RBMS1: variants seen among roughly 807,000 people sequenced by gnomAD.
The protein encoded by RBMS1 is RNA-binding motif, single-stranded-interacting protein 1.
A neutral mutation model predicts 62.3 loss-of-function variants in RBMS1; 17 were observed. The ratio of observed to expected loss-of-function variants is 0.27; its 90% CI spans 0.19 to 0.41. The LOEUF is 0.41. Among genes scored for constraint, RBMS1 ranks in the 10% least tolerant of loss-of-function variants. RBMS1 has a pLI of 1.00. For synonymous variants in RBMS1, 172 were observed against 170.0 expected, an observed-to-expected ratio of 1.01 and a Z score of -0.09; for missense variants, 334 against 504.5, an observed-to-expected ratio of 0.66 and a Z score of 3.24.
At chr2:160,396,312 T>C (rs1161180955) in intron 1 of RBMS1, among the ~76,000 whole-genome samples, 1 of 152,202 alleles carries the variant, frequency 6.6e-6, no homozygotes, top group Non-Finnish European at 1.5e-5. Flanking sequence ...TTTACACAAA[T>C]ATTACAACAG....
intron 2 of RBMS1, among the ~76,000 whole-genome samples, chr2:160,345,654 C>G (rs368649974): frequency 1.3e-5 from 2 of 152,130 alleles, no homozygotes; most frequent in Non-Finnish European, 2.9e-5. Context: ...TTTGAGAAGA[C>G]AGCTCACATA....
At chr2:160,475,375 T>A (rs545212293) in intron 1 of RBMS1, among the ~76,000 whole-genome samples, 1 of 152,320 alleles carries the variant, frequency 6.6e-6, no homozygotes, top group African/African-American at 2.4e-5. Flanking sequence ...CTGGCAGATC[T>A]AAGGGTAGGA....
chr2:160,281,484 T>C, intron 9 of RBMS1, 120 bp from the exon 10 acceptor site: 4 of 767,064 alleles, frequency 5.2e-6, no homozygotes, highest in Non-Finnish European at 6.3e-6. Context: ...AACAATACTA[T>C]CAATGATTAA....
chr2:160,356,346 G>C (rs1298726506), intron 2 of RBMS1, among the ~76,000 whole-genome samples: 2 of 152,070 alleles, frequency 1.3e-5, no homozygotes, highest in Admixed American at 1.3e-4. Flanking sequence ...ATAAGAAAAG[G>C]TGCTTTTTCT....
intron 2 of RBMS1, among the ~76,000 whole-genome samples, chr2:160,326,156 C>T (rs552036786): frequency 2.0e-5 from 3 of 152,186 alleles, no homozygotes; most frequent in African/African-American, 7.2e-5. Context: ...AAACCAGGCG[C>T]TGAAGGTGAA....
chr2:160,411,812 A>C (rs1447963185), intron 1 of RBMS1, among the ~76,000 whole-genome samples: 1 of 152,226 alleles, frequency 6.6e-6, no homozygotes, highest in African/African-American at 2.4e-5. Flanking sequence ...CTGAACATCA[A>C]AGAACAGGAG....
chr2:160,347,239 G>C (rs895999900), intron 2 of RBMS1, among the ~76,000 whole-genome samples: 35 of 152,134 alleles, frequency 2.3e-4, no homozygotes, highest in African/African-American at 8.4e-4. Flanking sequence ...TGCCTCTGTA[G>C]ATGTACGAAT....
chr2:160,340,148 A>C (rs1415445306), intron 2 of RBMS1, among the ~76,000 whole-genome samples: 1 of 152,092 alleles, frequency 6.6e-6, no homozygotes, highest in Non-Finnish European at 1.5e-5. Flanking sequence ...TTCATGACCT[A>C]TGTTACTTTT....
chr2:160,361,015 A>AT (rs1233727272), intron 2 of RBMS1, among the ~76,000 whole-genome samples: 1 of 152,228 alleles, frequency 6.6e-6, no homozygotes, highest in Non-Finnish European at 1.5e-5. Context: ...ACAGGCTATC[A>AT]TATCATAAGC....
intron 1 of RBMS1, among the ~76,000 whole-genome samples, chr2:160,438,928 C>G (rs552667734): frequency 5.4e-5 from 8 of 148,836 alleles, no homozygotes; most frequent in African/African-American, 2.0e-4. Context: ...GGCGGCTGGC[C>G]GGGCAGAGGG....
chr2:160,277,243 A>C (rs1334554122), intron 12 of RBMS1, 60 bp downstream of exon 12: 3 of 1,406,698 alleles, frequency 2.1e-6, no homozygotes, highest in Non-Finnish European at 3.0e-6. Context: ...AGTTCTATTT[A>C]ATTTACCCAT....
At chr2:160,345,851 C>A (rs190623286) in intron 2 of RBMS1, among the ~76,000 whole-genome samples, 1 of 151,992 alleles carries the variant, frequency 6.6e-6, no homozygotes, top group Admixed American at 6.6e-5. Context: ...TTCCTTATAA[C>A]GCTAGATTTA....
chr2:160,308,733 T>C (rs570466095), intron 4 of RBMS1, among the ~76,000 whole-genome samples: 58 of 152,290 alleles, frequency 3.8e-4, no homozygotes, highest in African/African-American at 1.3e-3. Flanking sequence ...TCCTTTTCCT[T>C]AGCCAATGTA....
intron 2 of RBMS1, among the ~76,000 whole-genome samples, chr2:160,324,128 G>C (rs765990485): frequency 6.6e-6 from 1 of 152,188 alleles, no homozygotes; most frequent in Non-Finnish European, 1.5e-5. Flanking sequence ...AGAAGACAAA[G>C]AAAAGTAGGT....
At chr2:160,466,594 C>T (rs1684702528) in intron 1 of RBMS1, among the ~76,000 whole-genome samples, 1 of 152,138 alleles carries the variant, frequency 6.6e-6, no homozygotes, top group Admixed American at 6.5e-5. Flanking sequence ...AAAACAAAAA[C>T]AGAACAAAAT....
chr2:160,476,572 T>TTG (rs1685139989), intron 1 of RBMS1, among the ~76,000 whole-genome samples: 1 of 136,576 alleles, frequency 7.3e-6, no homozygotes, highest in Non-Finnish European at 1.6e-5. Flanking sequence ...TTTTTTTTTT[T>TTG]GAGACAGAGT....
chr2:160,417,097 G>C (rs1574031945), intron 1 of RBMS1, among the ~76,000 whole-genome samples: 1 of 152,224 alleles, frequency 6.6e-6, no homozygotes, highest in East Asian at 1.9e-4. Context: ...GTTATGTTTT[G>C]TTGCAGGCAT....
chr2:160,445,772 C>G (rs894423391), intron 1 of RBMS1, among the ~76,000 whole-genome samples: 12 of 152,160 alleles, frequency 7.9e-5, no homozygotes, highest in Non-Finnish European at 1.5e-5. Context: ...GAGAGAAATT[C>G]TGACAGTTTC....
intron 4 of RBMS1, among the ~76,000 whole-genome samples, chr2:160,312,726 T>C (rs1018102967): frequency 2.0e-5 from 3 of 152,116 alleles, no homozygotes; most frequent in Non-Finnish European, 4.4e-5. Flanking sequence ...CAGTTATATA[T>C]ATTTTTGAAA....
Sources: allele counts gnomAD v4.1 joint callset (sites outside exome capture counted in the v4.1 genomes callset), GRCh38; gene constraint gnomAD v4.1.1; transcripts MANE v1.5; gene names NCBI Gene and HGNC (gene_info 2026-07-23, HGNC 2026-07-21).